SIM1: variants seen among roughly 807,000 people sequenced by gnomAD.
SIM1 encodes the protein single-minded homolog 1.
A neutral mutation model predicts 78.2 loss-of-function variants in SIM1; 18 were observed. The observed-to-expected ratio is 0.23, with a 90% CI of 0.16 to 0.34. The LOEUF (loss-of-function observed/expected upper bound fraction) is 0.34. SIM1 is among the 10% of genes least tolerant of loss of function. SIM1 has a pLI of 1.00. For synonymous variants in SIM1, 417 were observed against 385.2 expected, an observed-to-expected ratio of 1.08 and a Z score of -0.97; for missense variants, 939 against 975.1, an observed-to-expected ratio of 0.96 and a Z score of 0.49.
At chr6:100,420,670 A>G in intron 10 of SIM1, 120 bp downstream of exon 10, 1 of 922,100 alleles carries the variant, frequency 1.1e-6, no homozygotes. Context: ...TTCCAGATTT[A>G]TAGAAGTTTT....
chr6:100,407,886 T>C (rs894271482), intron 10 of SIM1, among the ~76,000 whole-genome samples: 2 of 152,128 alleles, frequency 1.3e-5, no homozygotes, highest in Non-Finnish European at 2.9e-5. Context: ...TGATATTAAC[T>C]CTTCATCAGA....
rs1450689086 is a variant in SIM1 at position 100,386,890 on chromosome 6, T to C, written c.*3471A>G. The C allele has an allele frequency of 5.3e-5, 8 of 152,046 alleles. No homozygotes were observed. The highest frequency in any genetic ancestry group is 1.7e-4 in the African/African-American group (7 of 41,432). The allele number at this position is 152,046 out of a possible 1,614,324, so 9.4% of individuals were successfully genotyped here. On this transcript the variant is annotated 3_prime_UTR_variant, in exon 12 of 12. Transcript: ENST00000369208. ...AGCGAGCACAATATGACAAAAGACT[T>C]GTGGACCGAAGCACACCTAAATATC...
At position 100,391,067 on chromosome 6, in the gene SIM1, C is replaced by T. The variant is rs1165431472; in HGVS notation, c.1595G>A (p.Ser532Asn). The change falls in exon 12 of 12, where the codon AGT becomes AAT. Residue 532 changes from serine to asparagine, a missense_variant. By Grantham distance (46) the Ser-to-Asn change is conservative. Coordinates refer to ENST00000369208, the MANE Select transcript of SIM1 (RefSeq NM_005068.3). ...IHGRGHWDED[S>N]VVSSPDPGSA... Reference sequence around the variant, plus strand: ...CCCAGGGTCTGGAGAACTGACCACACTATCTTCATCCCAATGACCTCGCCC... The same window carrying T: ...CCCAGGGTCTGGAGAACTGACCACATTATCTTCATCCCAATGACCTCGCCC... 6.9e-6 allele frequency: 11 copies of T among 1,602,670 alleles called. No homozygotes were observed. Among genetic ancestry groups the T allele is most frequent in the African/African-American group, 1.3e-5 (1 of 74,262 alleles).
intron 10 of SIM1, chr6:100,396,191 T>C: frequency 2.7e-6 from 1 of 376,340 alleles, no homozygotes; most frequent in Non-Finnish European, 3.7e-6. Context: ...CCAAGTGCTA[T>C]ACATGTGTTC....
At chr6:100,426,585 C>A (rs1204421376) in intron 9 of SIM1, among the ~76,000 whole-genome samples, 2 of 152,186 alleles carry the variant, frequency 1.3e-5, no homozygotes, top group South Asian at 4.1e-4. Context: ...ATCATTTCAA[C>A]TGGGAGAATG....
At chr6:100,461,652 G>T (rs1181791151) in intron 2 of SIM1, among the ~76,000 whole-genome samples, 6 of 152,106 alleles carry the variant, frequency 3.9e-5, no homozygotes, top group African/African-American at 1.4e-4. Flanking sequence ...AGCGGAGTTC[G>T]CAATAGCTTT....
intron 9 of SIM1, among the ~76,000 whole-genome samples, chr6:100,429,865 C>A (rs1189149715): frequency 6.6e-6 from 1 of 152,058 alleles, no homozygotes; most frequent in Non-Finnish European, 1.5e-5. Context: ...TAGCAAATTT[C>A]TTTTCTCAAG....
chr6:100,450,413 G>A, intron 3 of SIM1, 57 bp from the exon 4 acceptor site: 3 of 1,481,182 alleles, frequency 2.0e-6, no homozygotes, highest in Non-Finnish European at 2.8e-6. Context: ...GGAGAAATGG[G>A]AGCAGGAGGA....
At chr6:100,420,525 T>C (rs1161197668) in intron 10 of SIM1, among the ~76,000 whole-genome samples, 1 of 152,162 alleles carries the variant, frequency 6.6e-6, no homozygotes, top group African/African-American at 2.4e-5. Context: ...ATCAATCTCC[T>C]CAAAATCACA....
At chr6:100,419,323 A>G (rs915442854) in intron 10 of SIM1, among the ~76,000 whole-genome samples, 2 of 152,280 alleles carry the variant, frequency 1.3e-5, no homozygotes, top group Middle Eastern at 3.4e-3. Context: ...GAGTAAAGAA[A>G]CCTGATCTTC....
intron 8 of SIM1, among the ~76,000 whole-genome samples, chr6:100,447,780 G>A (rs1772398217): frequency 6.6e-6 from 1 of 152,232 alleles, no homozygotes; most frequent in Admixed American, 6.5e-5. Flanking sequence ...TACGCTCAAA[G>A]CAAAGCTGTA....
intron 10 of SIM1, among the ~76,000 whole-genome samples, chr6:100,403,891 C>T (rs1474208683): frequency 6.6e-6 from 1 of 152,102 alleles, no homozygotes; most frequent in Admixed American, 6.5e-5. Context: ...AAATAAGGTT[C>T]AAAAAATGTT....
intron 9 of SIM1, among the ~76,000 whole-genome samples, chr6:100,442,154 A>T (rs1772235918): frequency 6.6e-6 from 1 of 152,238 alleles, no homozygotes; most frequent in Admixed American, 6.5e-5. Flanking sequence ...AACAGATACG[A>T]ATTCAGCATT....
At chr6:100,458,979 C>A (rs1226943265) in intron 2 of SIM1, among the ~76,000 whole-genome samples, 2 of 152,200 alleles carry the variant, frequency 1.3e-5, no homozygotes, top group Admixed American at 6.5e-5. Flanking sequence ...AAGGTACAAG[C>A]CTCATTTTCC....
chr6:100,413,177 G>A (rs1771305136), intron 10 of SIM1, among the ~76,000 whole-genome samples: 1 of 152,090 alleles, frequency 6.6e-6, no homozygotes, highest in Non-Finnish European at 1.5e-5. Flanking sequence ...CTTCCCCATT[G>A]AATCCATAAG....
intron 10 of SIM1, among the ~76,000 whole-genome samples, chr6:100,402,139 G>GT (rs1582609889): frequency 6.6e-6 from 1 of 152,218 alleles, no homozygotes; most frequent in East Asian, 1.9e-4. Context: ...TATGTGTCAT[G>GT]TAAAGGTCCT....
chr6:100,458,412 A>G (rs1772744407), intron 2 of SIM1, among the ~76,000 whole-genome samples: 1 of 152,022 alleles, frequency 6.6e-6, no homozygotes, highest in East Asian at 2.0e-4. Context: ...AGGGACTCGG[A>G]CGATGGCACC....
At chr6:100,446,802 G>T (rs901176854) in intron 9 of SIM1, among the ~76,000 whole-genome samples, 1 of 152,160 alleles carries the variant, frequency 6.6e-6, no homozygotes, top group Non-Finnish European at 1.5e-5. Flanking sequence ...TTGTGGTTCA[G>T]GGGGGAAGCC....
At position 100,390,858 on chromosome 6, in the gene SIM1, G is replaced by GT. The variant is rs1442473894; in HGVS notation, c.1803dup (p.His602ThrfsTer16). The GT allele has an allele frequency of 6.2e-7, 1 of 1,614,120 alleles. No homozygotes were observed. Among genetic ancestry groups the GT allele is most frequent in the Non-Finnish European group, 8.5e-7 (1 of 1,180,012 alleles). On this transcript the variant is annotated frameshift_variant, in exon 12 of 12. Transcript: ENST00000369208. LOFTEE classifies it high-confidence loss of function. Reference sequence around the variant, plus strand: ...TGGTAGTTTGCAAAACACAGGGAGTGTTTTTTCCCAGCCCCATTAATGGAA... The same window carrying GT: ...TGGTAGTTTGCAAAACACAGGGAGTGTTTTTTTCCCAGCCCCATTAATGGAA...
Sources: allele counts gnomAD v4.1 joint callset (sites outside exome capture counted in the v4.1 genomes callset), GRCh38; gene constraint gnomAD v4.1.1; transcripts MANE v1.5; gene names NCBI Gene and HGNC (gene_info 2026-07-23, HGNC 2026-07-21).